MMP26: variants seen among roughly 807,000 people sequenced by gnomAD.
MMP26 encodes the protein matrix metalloproteinase-26.
MMP26 carries 33 observed loss-of-function variants against 31.0 expected under a neutral mutation model. The observed-to-expected ratio is 1.06, with a 90% CI of 0.81 to 1.42. The LOEUF (loss-of-function observed/expected upper bound fraction) is 1.42. MMP26 is among the 40% of genes most tolerant of loss of function. The probability of loss-of-function intolerance (pLI) is 0.00; values close to 1 mark genes in which losing one functional copy is unlikely to be tolerated. For synonymous variants in MMP26, 122 were observed against 114.9 expected, an observed-to-expected ratio of 1.06 and a Z score of -0.40; for missense variants, 347 against 316.1, an observed-to-expected ratio of 1.10 and a Z score of -0.74.
intron 2 of MMP26, among the ~76,000 whole-genome samples, chr11:4,874,034 T>A (rs1325818967): frequency 6.6e-6 from 1 of 152,022 alleles, no homozygotes; most frequent in Non-Finnish European, 1.5e-5. Context: ...TCAGACCCAT[T>A]ATTTTTCAAG....
intron 2 of MMP26, among the ~76,000 whole-genome samples, chr11:4,788,811 G>A (rs535263191): frequency 2.0e-5 from 3 of 152,134 alleles, no homozygotes; most frequent in Admixed American, 6.5e-5. Context: ...AGTGTTTTGG[G>A]GATGCTTTCT....
intron 2 of MMP26, among the ~76,000 whole-genome samples, chr11:4,902,153 C>T (rs1850812245): frequency 6.6e-6 from 1 of 152,146 alleles, no homozygotes; most frequent in Admixed American, 6.5e-5. Context: ...ATAAATAAAT[C>T]TTGTGAGTTA....
chr11:4,913,624 C>T (rs1289506247), intron 2 of MMP26: 2 of 152,162 alleles, frequency 1.3e-5, no homozygotes, highest in African/African-American at 4.8e-5. Flanking sequence ...GGTTCCTTGG[C>T]TTATAATCTC....
intron 2 of MMP26, among the ~76,000 whole-genome samples, chr11:4,861,916 A>G (rs1284216898): frequency 1.3e-5 from 2 of 152,138 alleles, no homozygotes; most frequent in African/African-American, 4.8e-5. Context: ...TTAGCCTTCA[A>G]CGTAAAGCAA....
chr11:4,903,100 T>G (rs1187491240), intron 2 of MMP26, among the ~76,000 whole-genome samples: 3 of 152,106 alleles, frequency 2.0e-5, no homozygotes, highest in Non-Finnish European at 4.4e-5. Flanking sequence ...TTTATATTGT[T>G]TCATAGCCTT....
chr11:4,777,898 A>G (rs1848809484), intron 2 of MMP26, among the ~76,000 whole-genome samples: 1 of 152,076 alleles, frequency 6.6e-6, no homozygotes. Flanking sequence ...TAATTCTGCT[A>G]TGAATATTAC....
chr11:4,942,703 C>G (rs1379186125), intron 2 of MMP26: 2 of 151,972 alleles, frequency 1.3e-5, no homozygotes, highest in Non-Finnish European at 2.9e-5. Flanking sequence ...TGTTAATGAT[C>G]TCACAAATAA....
intron 2 of MMP26, among the ~76,000 whole-genome samples, chr11:4,866,920 C>T (rs1385783445): frequency 1.3e-5 from 2 of 151,990 alleles, no homozygotes; most frequent in African/African-American, 2.4e-5. Context: ...TTACACCATA[C>T]ACAAAAATCA....
In MMP26 at chr11:4,850,042, T is replaced by C. The variant is rs7946676; in HGVS notation, c.-145+82701T>C. Among the ~76,000 whole-genome samples the C allele has an allele frequency of 9.8e-3, 1,491 of 152,300 alleles. 28 individuals are homozygous for C. The highest frequency in any genetic ancestry group is 0.034 in the African/African-American group (1,416 of 41,558). The stretch of plus-strand genomic sequence containing the variant: ...TTTGAAATATACAATACATTGTTGT[T>C]AACTATAGTCACCCTACTTGGCTAC... On this transcript the variant is annotated intron_variant, in intron 2 of 7. Coordinates refer to ENST00000380390, the MANE Select transcript of MMP26 (RefSeq NM_021801.5).
chr11:4,705,217 G>C, intron 1 of MMP26, among the ~76,000 whole-genome samples, 172 bp downstream of exon 1: 1 of 152,098 alleles, frequency 6.6e-6, no homozygotes, highest in East Asian at 1.9e-4. Flanking sequence ...GTTCAAAATA[G>C]TTATTCCAAA....
chr11:4,856,421 C>T (rs1850054527), intron 2 of MMP26, among the ~76,000 whole-genome samples: 1 of 152,120 alleles, frequency 6.6e-6, no homozygotes, highest in Non-Finnish European at 1.5e-5. Context: ...GGATTGCAAT[C>T]CTAGTCTCTG....
chr11:4,838,315 TAAAAAAAAAA>T (rs540572047), intron 2 of MMP26, among the ~76,000 whole-genome samples: 298 of 27,406 alleles, frequency 0.011, 8 homozygotes, highest in African/African-American at 0.022. Flanking sequence ...AGACTCTGTC[TAAAAAAAAAA>T]AAAAAAAAAA....
intron 2 of MMP26, among the ~76,000 whole-genome samples, chr11:4,835,689 A>G (rs1849709309): frequency 6.6e-6 from 1 of 152,154 alleles, no homozygotes; most frequent in Middle Eastern, 3.2e-3. Context: ...TTTCAGTTCA[A>G]TACCTACCAC....
chr11:4,747,616 A>G lies in MMP26; in HGVS notation c.-216-19654A>G, dbSNP rs544932131. On this transcript the variant is annotated intron_variant, in intron 1 of 7. Transcript: ENST00000380390. ...ATTAATATTTCATTAAAAACCTTTT[A>G]AAGAGGTCTTTATGTTTTATGGAAA... Among the ~76,000 whole-genome samples, 5 of 152,202 alleles carry G rather than the reference A, an allele frequency of 3.3e-5. 1 individual carries two copies. The East Asian group carries it at 9.6e-4, about 29-fold the overall frequency.
intron 2 of MMP26, among the ~76,000 whole-genome samples, chr11:4,812,447 C>G (rs112459668): frequency 6.6e-6 from 1 of 151,994 alleles, no homozygotes; most frequent in African/African-American, 2.4e-5. Context: ...CACAGTAGAA[C>G]GCGTGGCCTG....
At chr11:4,816,385 G>A (rs193037362) in intron 2 of MMP26, among the ~76,000 whole-genome samples, 28 of 151,710 alleles carry the variant, frequency 1.8e-4, no homozygotes, top group South Asian at 8.4e-4. Flanking sequence ...GGTGTAGAGC[G>A]TAATTTAAAT....
chr11:4,883,337 G>A (rs775712448), intron 2 of MMP26, among the ~76,000 whole-genome samples: 37 of 152,146 alleles, frequency 2.4e-4, no homozygotes, highest in African/African-American at 5.8e-4. Flanking sequence ...AGGCACACAC[G>A]TAGAAAGTTA....
At chr11:4,722,649 C>A (rs1027161200) in intron 1 of MMP26, 19 of 657,160 alleles carry the variant, frequency 2.9e-5, no homozygotes, top group African/African-American at 9.0e-5. Flanking sequence ...GTCCCCTGTT[C>A]CCTGTGCTAC....
chr11:4,806,751 T>A (rs1019989553), intron 2 of MMP26, among the ~76,000 whole-genome samples: 3 of 152,182 alleles, frequency 2.0e-5, no homozygotes, highest in Admixed American at 6.5e-5. Context: ...TGCCAGAGAA[T>A]AAGATATAGG....
Sources: allele counts gnomAD v4.1 joint callset (sites outside exome capture counted in the v4.1 genomes callset), GRCh38; gene constraint gnomAD v4.1.1; transcripts MANE v1.5; gene names NCBI Gene and HGNC (gene_info 2026-07-23, HGNC 2026-07-21).